The following SWT1 variants were observed in gnomAD, a reference collection of about 807,000 sequenced individuals.
SWT1 encodes SWT1 RNA endoribonuclease homolog.
In SWT1, 33 loss-of-function variants were observed where a neutral mutation model predicts 107.3. That is an observed-to-expected ratio of 0.31 (90% confidence interval 0.23 to 0.41). The LOEUF (loss-of-function observed/expected upper bound fraction) is 0.41. SWT1 is among the 10% of genes least tolerant of loss of function. The pLI is 1.00. For synonymous variants in SWT1, 345 were observed against 348.3 expected, an observed-to-expected ratio of 0.99 and a Z score of 0.11; for missense variants, 898 against 1,028.9, an observed-to-expected ratio of 0.87 and a Z score of 1.74.
At chr1:185,285,222 G>T (rs1413503091) in intron 18 of SWT1, among the ~76,000 whole-genome samples, 1 of 152,164 alleles carries the variant, frequency 6.6e-6, no homozygotes, top group African/African-American at 2.4e-5. Context: ...CTTCTCAGCA[G>T]TGAGACAGTG....
chr1:185,212,872 G>A (rs1658933766), intron 13 of SWT1, among the ~76,000 whole-genome samples: 1 of 151,556 alleles, frequency 6.6e-6, no homozygotes, highest in Non-Finnish European at 1.5e-5. Flanking sequence ...ATGTTCTTGT[G>A]TACTATCTTT....
intron 14 of SWT1, among the ~76,000 whole-genome samples, chr1:185,218,557 C>T (rs1347729716): frequency 1.3e-5 from 2 of 152,094 alleles, no homozygotes; most frequent in Non-Finnish European, 2.9e-5. Context: ...GCAATCCTCC[C>T]GCCACAGCCT....
At chr1:185,245,088 C>A (rs192758162) in intron 16 of SWT1, among the ~76,000 whole-genome samples, 5 of 151,914 alleles carry the variant, frequency 3.3e-5, no homozygotes, top group Non-Finnish European at 7.4e-5. Flanking sequence ...TCTCTAAGAA[C>A]GATTTTTTAT....
chr1:185,268,881 G>A (rs1332393122), intron 16 of SWT1, among the ~76,000 whole-genome samples: 1 of 138,092 alleles, frequency 7.2e-6, no homozygotes, highest in Non-Finnish European at 1.5e-5. Context: ...GAGACGGAGT[G>A]TCGCTCTTTT....
intron 16 of SWT1, among the ~76,000 whole-genome samples, chr1:185,246,803 A>T (rs1661646765): frequency 6.8e-6 from 1 of 147,474 alleles, no homozygotes; most frequent in Non-Finnish European, 1.5e-5. Context: ...CTAATATTTT[A>T]AATTTTTGGT....
At chr1:185,251,097 G>T (rs1661982573) in intron 16 of SWT1, among the ~76,000 whole-genome samples, 1 of 152,104 alleles carries the variant, frequency 6.6e-6, no homozygotes, top group Non-Finnish European at 1.5e-5. Context: ...TCTTCCTAAT[G>T]GTGGTGTGCA....
In SWT1 at chr1:185,273,301, A is replaced by G. The variant is rs765445454; in HGVS notation, c.2508+1912A>G. Among the ~76,000 whole-genome samples, 4 of 152,086 alleles carry G rather than the reference A, an allele frequency of 2.6e-5. No homozygotes were observed. In the South Asian group the frequency reaches 8.3e-4, roughly 31 times the overall value. ...GGGCCTGCAATCCCAGCTACTCGTA[A>G]GGCTGAGGCAGGAGAATTGCTTGGA... is the stretch of plus-strand genomic sequence containing the variant. On this transcript the variant is annotated intron_variant, in intron 17 of 18. Coordinates refer to ENST00000367500, the MANE Select transcript of SWT1 (RefSeq NM_017673.7).
intron 16 of SWT1, among the ~76,000 whole-genome samples, chr1:185,238,247 A>G (rs1661034197): frequency 1.3e-5 from 2 of 152,088 alleles, no homozygotes; most frequent in Non-Finnish European, 1.5e-5. Flanking sequence ...TGGCCTCCCA[A>G]AATTCTGGGA....
intron 9 of SWT1, among the ~76,000 whole-genome samples, chr1:185,190,058 G>C (rs1459573451): frequency 6.6e-6 from 1 of 152,076 alleles, no homozygotes; most frequent in Non-Finnish European, 1.5e-5. Context: ...ATGTTAGCCA[G>C]GCCGGTCTCG....
chr1:185,219,572 T>C (rs569696524), intron 14 of SWT1, among the ~76,000 whole-genome samples: 1 of 152,284 alleles, frequency 6.6e-6, no homozygotes, highest in South Asian at 2.1e-4. Context: ...TGGAGTGATT[T>C]TATTTAAGTT....
chr1:185,202,957 A>G (rs1658006061), intron 11 of SWT1, among the ~76,000 whole-genome samples, 158 bp downstream of exon 11: 1 of 152,250 alleles, frequency 6.6e-6, no homozygotes, highest in Non-Finnish European at 1.5e-5. Context: ...AATGGAAGTT[A>G]TGATGGTAAT....
intron 16 of SWT1, among the ~76,000 whole-genome samples, chr1:185,269,004 C>T (rs1663622271): frequency 6.6e-6 from 1 of 152,032 alleles, no homozygotes; most frequent in East Asian, 1.9e-4. Context: ...AGGCGCCCGC[C>T]ACTACGCCCG....
chr1:185,270,173 A>C (rs1289394541), intron 16 of SWT1, among the ~76,000 whole-genome samples: 1 of 152,218 alleles, frequency 6.6e-6, no homozygotes, highest in Non-Finnish European at 1.5e-5. Context: ...GATAAATCAC[A>C]TAAAAGTTAA....
At chr1:185,247,477 T>C (rs1661697734) in intron 16 of SWT1, among the ~76,000 whole-genome samples, 1 of 152,262 alleles carries the variant, frequency 6.6e-6, no homozygotes, top group African/African-American at 2.4e-5. Context: ...TTTCATTTTT[T>C]GCATTGAAAG....
chr1:185,181,596 A>G (rs1656024369), intron 6 of SWT1, among the ~76,000 whole-genome samples: 1 of 152,206 alleles, frequency 6.6e-6, no homozygotes, highest in African/African-American at 2.4e-5. Flanking sequence ...TTTAATGTCT[A>G]GGTATTTGGC....
chr1:185,280,941 A>G (rs1664578132), intron 18 of SWT1: 1 of 485,260 alleles, frequency 2.1e-6, no homozygotes, highest in Non-Finnish European at 4.2e-6. Flanking sequence ...GGAAACCAGA[A>G]GCATGTTGGT....
intron 12 of SWT1, among the ~76,000 whole-genome samples, chr1:185,205,633 T>G (rs1250761382): frequency 6.6e-6 from 1 of 152,182 alleles, no homozygotes; most frequent in African/African-American, 2.4e-5. Context: ...CCTCCCATAG[T>G]GCTGGGATTA....
At chr1:185,177,883 A>G (rs927128197) in intron 5 of SWT1, among the ~76,000 whole-genome samples, 1 of 152,184 alleles carries the variant, frequency 6.6e-6, no homozygotes, top group Non-Finnish European at 1.5e-5. Context: ...TTACAAGACT[A>G]AAGTAGGAAT....
chr1:185,268,713 A>G (rs1663580354), intron 16 of SWT1, among the ~76,000 whole-genome samples: 1 of 152,218 alleles, frequency 6.6e-6, no homozygotes, highest in African/African-American at 2.4e-5. Context: ...TAAACTTACT[A>G]GCCTCATAAT....
Sources: allele counts gnomAD v4.1 joint callset (sites outside exome capture counted in the v4.1 genomes callset), GRCh38; gene constraint gnomAD v4.1.1; transcripts MANE v1.5; gene names NCBI Gene and HGNC (gene_info 2026-07-23, HGNC 2026-07-21).